Variants in OTOGL observed in about 807,000 individuals in gnomAD.
OTOGL encodes otogelin like, also known as otogelin-like protein.
OTOGL carries 285 observed loss-of-function variants against 318.5 expected under a neutral mutation model. The observed-to-expected ratio is 0.89, with a 90% CI of 0.81 to 0.99. The LOEUF (loss-of-function observed/expected upper bound fraction) is 0.99. Among genes scored for constraint, OTOGL ranks in the 50% least tolerant of loss-of-function variants. OTOGL has a pLI of 0.00. For missense variants in OTOGL, 2,899 were observed against 2,845.6 expected, an observed-to-expected ratio of 1.02 and a Z score of -0.43; for synonymous variants, 987 against 936.5, an observed-to-expected ratio of 1.05 and a Z score of -0.99.
chr12:80,372,173 C>A, intron 57 of OTOGL, 109 bp downstream of exon 57: 1 of 638,334 alleles, frequency 1.6e-6, no homozygotes, highest in Non-Finnish European at 2.3e-6. Context: ...AAGAGAGAAA[C>A]AAATTTTATA....
At position 80,378,829 on chromosome 12, in the gene OTOGL, A is replaced by G. The variant is rs1026319835; in HGVS notation, c.*781A>G. ...CATATTTGAAAAATGCCCCCCATAC[A>G]TTGTTATTCCAATAGTAAGGAGCAG... On this transcript the variant is annotated 3_prime_UTR_variant, in exon 59 of 59. Coordinates refer to ENST00000547103, the MANE Select transcript of OTOGL (RefSeq NM_001378609.3). 4.6e-5 allele frequency: 7 copies of G among 152,062 alleles called. No individual in the cohort carries two copies. Among genetic ancestry groups the G allele is most frequent in the African/African-American group, 1.7e-4 (7 of 41,438 alleles). The allele number at this position is 152,062 out of a possible 1,614,324, so 9.4% of individuals were successfully genotyped here.
intron 1 of OTOGL, among the ~76,000 whole-genome samples, chr12:80,203,900 G>C (rs1262299489): frequency 6.6e-6 from 1 of 152,168 alleles, no homozygotes; most frequent in Non-Finnish European, 1.5e-5. Context: ...GCTTCTAATA[G>C]GTTCGCTAGG....
At chr12:80,343,861 A>AG (rs1288652524) in intron 44 of OTOGL, 1 of 152,172 alleles carries the variant, frequency 6.6e-6, no homozygotes, top group Non-Finnish European at 1.5e-5. Flanking sequence ...ACCCTGGGTA[A>AG]GGGGGGCTGA....
chr12:80,146,589 G>T (rs1040517279), intron 1 of OTOGL, among the ~76,000 whole-genome samples: 119 of 151,914 alleles, frequency 7.8e-4, no homozygotes, highest in African/African-American at 2.2e-3. Flanking sequence ...AGTTAGGGAG[G>T]ATTCCCTCTT....
In OTOGL at chr12:80,213,543, A is replaced by G. The variant is rs532094669; in HGVS notation, c.168+1546A>G. 7.2e-5 allele frequency among the ~76,000 whole-genome samples: 11 copies of G among 152,254 alleles called. No individual in the cohort carries two copies. The South Asian group carries it at 1.0e-3, about 14-fold the overall frequency. On this transcript the variant is annotated intron_variant, in intron 4 of 58. Transcript: ENST00000547103. Reference sequence around the variant, plus strand: ...AAGGTGGAACCACTCTGGTTGGAGCACCTCTGACGCCAGAATAGGCAAAGG... The same window carrying G: ...AAGGTGGAACCACTCTGGTTGGAGCGCCTCTGACGCCAGAATAGGCAAAGG...
At chr12:80,252,270 T>C in intron 13 of OTOGL, 69 bp downstream of exon 13, 1 of 1,436,408 alleles carries the variant, frequency 7.0e-7, no homozygotes, top group Non-Finnish European at 9.3e-7. Flanking sequence ...AAGGATCACA[T>C]CTTCGTTTTG....
chr12:80,282,311 T>C (rs1592652553), intron 26 of OTOGL, among the ~76,000 whole-genome samples: 1 of 151,936 alleles, frequency 6.6e-6, no homozygotes, highest in Non-Finnish European at 1.5e-5. Flanking sequence ...ACAGACTATC[T>C]TCTATTTTAT....
chr12:80,252,114 A>T lies in OTOGL; in HGVS notation c.1198A>T (p.Ile400Phe), dbSNP rs780388672. ...TGATAGCTTTGTCCATCGGGACTGT[A>T]TCAGTTGTTGTCCACCAACCTGCAC... ...CDDSFVHRDCISCCPPTCTFE... is the reference protein window; with the variant it reads ...CDDSFVHRDCFSCCPPTCTFE... Residue 400 changes from isoleucine (I) to phenylalanine (F), a missense_variant, in exon 13 of 59, where the codon ATC becomes TTC. Around this residue, in one of 3 missense-constraint regions of OTOGL, gnomAD observed 2,607 missense variants for 2,524.9 expected, o/e 1.03. Transcript: ENST00000547103. 4.1e-5 allele frequency: 64 copies of T among 1,561,228 alleles called. No homozygotes were observed. The Middle Eastern group carries it at 6.6e-4, about 16-fold the overall frequency.
chr12:80,103,007 T>C, intron 1 of OTOGL: 1 of 942,928 alleles, frequency 1.1e-6, no homozygotes, highest in Non-Finnish European at 1.7e-6. Context: ...TGTCCAGTTT[T>C]AGCCTAGTGA....
At chr12:80,297,999 T>C (rs1311193045) in intron 27 of OTOGL, among the ~76,000 whole-genome samples, 1 of 152,242 alleles carries the variant, frequency 6.6e-6, no homozygotes, top group Non-Finnish European at 1.5e-5. Flanking sequence ...TCCAAGTTCT[T>C]GTTTATTGTA....
chr12:80,368,633 G>A (rs1890698442), intron 55 of OTOGL, among the ~76,000 whole-genome samples: 1 of 151,988 alleles, frequency 6.6e-6, no homozygotes, highest in South Asian at 2.1e-4. Flanking sequence ...GCTGATTTTT[G>A]ATTTCAGATA....
intron 18 of OTOGL, among the ~76,000 whole-genome samples, chr12:80,260,588 T>C (rs1241177839): frequency 6.6e-6 from 1 of 152,192 alleles, no homozygotes; most frequent in African/African-American, 2.4e-5. Flanking sequence ...CAAAGGTTAA[T>C]GTGAATATGC....
chr12:80,149,658 T>A (rs1489479491), intron 1 of OTOGL, among the ~76,000 whole-genome samples: 1 of 151,704 alleles, frequency 6.6e-6, no homozygotes, highest in East Asian at 1.9e-4. Flanking sequence ...CGGGCGCCCC[T>A]CCCCCAGCCT....
At chr12:80,319,313 T>C (rs993386094) in intron 33 of OTOGL, among the ~76,000 whole-genome samples, 1 of 152,208 alleles carries the variant, frequency 6.6e-6, no homozygotes, top group Non-Finnish European at 1.5e-5. Context: ...GATCCAGTGA[T>C]GTTCAGGCTA....
intron 30 of OTOGL, among the ~76,000 whole-genome samples, chr12:80,312,353 C>T (rs1565976184): frequency 6.6e-6 from 1 of 152,174 alleles, no homozygotes; most frequent in East Asian, 1.9e-4. Flanking sequence ...AAATGTAAAA[C>T]AGTGCACTCT....
At chr12:80,229,033 T>C (rs1879128125) in intron 7 of OTOGL, among the ~76,000 whole-genome samples, 1 of 152,184 alleles carries the variant, frequency 6.6e-6, no homozygotes, top group African/African-American at 2.4e-5. Flanking sequence ...AAGATTCAAA[T>C]CGTTCAAAAA....
In OTOGL at chr12:80,232,885, T is replaced by C. The variant is rs770106082; in HGVS notation, c.612-7T>C. 3 of 1,590,036 alleles carry C rather than the reference T, an allele frequency of 1.9e-6. No homozygotes were observed. Among genetic ancestry groups the C allele is most frequent in the Admixed American group, 3.3e-5 (2 of 59,814 alleles). The stretch of plus-strand genomic sequence containing the variant: ...ATTCTTAGATAGCTTTTGTTCTGTT[T>C]TTCAAGTTTAACATTGCCTCAGACA... On this transcript the variant is annotated splice_region_variant and splice_polypyrimidine_tract_variant and intron_variant, in intron 8 of 58. Transcript: ENST00000547103.
intron 44 of OTOGL, among the ~76,000 whole-genome samples, chr12:80,345,539 G>A (rs1325805081): frequency 6.6e-5 from 10 of 151,864 alleles, no homozygotes; most frequent in Non-Finnish European, 7.4e-5. Context: ...ACCTGACCAT[G>A]GCTATAATAT....
chr12:80,229,186 T>C, intron 7 of OTOGL, 71 bp from the exon 8 acceptor site: 3 of 1,491,616 alleles, frequency 2.0e-6, no homozygotes, highest in Non-Finnish European at 2.8e-6. Flanking sequence ...ATTGTAAACA[T>C]ACATTGTGGT....
Sources: gnomAD v4.1 joint callset for allele counts (sites outside exome capture counted in the v4.1 genomes callset) on GRCh38, gnomAD v4.1.1 for gene constraint, gnomAD v4.1.1 regional missense constraint, MANE v1.5 for transcripts, NCBI Gene and HGNC (gene_info 2026-07-23, HGNC 2026-07-21) for gene names.